TRAF3: variants seen among roughly 807,000 people sequenced by gnomAD.
TRAF3 encodes the protein TNF receptor associated factor 3.
Under a neutral mutation model 62.3 loss-of-function variants are expected in TRAF3, and 13 were observed. The ratio of observed to expected loss-of-function variants is 0.21; its 90% CI spans 0.14 to 0.33. The LOEUF is 0.33. TRAF3 is among the 10% of genes least tolerant of loss of function. TRAF3 has a pLI of 1.00. For missense variants in TRAF3, 440 were observed against 741.8 expected (o/e 0.59, Z 4.73); for synonymous variants, 269 against 283.4 (o/e 0.95, Z 0.51).
chr14:102,810,187 AC>A (rs1270062826), intron 1 of TRAF3, among the ~76,000 whole-genome samples: 2 of 152,144 alleles, frequency 1.3e-5, no homozygotes, highest in Non-Finnish European at 2.9e-5. Flanking sequence ...CCTCCCCCCT[AC>A]AACTGTAATG....
At chr14:102,795,578 T>G (rs1285091646) in intron 1 of TRAF3, among the ~76,000 whole-genome samples, 1 of 61,002 alleles carries the variant, frequency 1.6e-5, no homozygotes, top group African/African-American at 3.7e-5. Flanking sequence ...ATACATGATA[T>G]GTATGCATGA....
chr14:102,806,019 TG>T (rs1898752226), intron 1 of TRAF3, among the ~76,000 whole-genome samples: 1 of 10,110 alleles, frequency 9.9e-5, no homozygotes, highest in Non-Finnish European at 1.9e-4. Context: ...GTTGGTGGGG[TG>T]GGGGTGGGGT....
chr14:102,837,850 C>G (rs1018020016), intron 2 of TRAF3, among the ~76,000 whole-genome samples: 18 of 152,194 alleles, frequency 1.2e-4, no homozygotes, highest in African/African-American at 3.9e-4. Flanking sequence ...CCTGTTAGCT[C>G]TGACTTTGGG....
At position 102,875,695 on chromosome 14, in the gene TRAF3, T is replaced by A. The variant is rs768746950; in HGVS notation, c.369T>A (p.Gly123=). 2 of 1,613,932 alleles carry A rather than the reference T, an allele frequency of 1.2e-6. No individual in the cohort carries two copies. The highest frequency in any genetic ancestry group is 3.3e-5 in the Admixed American group (2 of 60,004). ...LQIYCRNESR[G]CAEQLMLGHL... is the part of the protein sequence containing the mutation. ...TCTATTGTCGGAATGAAAGCAGAGG[T>A]TGTGCAGAGCAGTTAATGCTGGGAC... Residue 123 remains glycine (G), a synonymous_variant, in exon 5 of 12, where the codon GGT becomes GGA. Transcript: ENST00000392745.
At chr14:102,810,318 C>T (rs541507416) in intron 1 of TRAF3, among the ~76,000 whole-genome samples, 1 of 152,230 alleles carries the variant, frequency 6.6e-6, no homozygotes, top group South Asian at 2.1e-4. Flanking sequence ...GCAGTCGGCT[C>T]TGGTGGGAAC....
At chr14:102,895,017 G>T (rs187316248) in intron 9 of TRAF3, 3 of 453,520 alleles carry the variant, frequency 6.6e-6, no homozygotes, top group African/African-American at 6.0e-5. Context: ...ACAATGTTTT[G>T]GAGACATTAC....
Position 102,897,245 on chromosome 14 carries a change from A to C in TRAF3, c.820-16A>C, listed in dbSNP as rs1351746556. 4 of 1,607,196 alleles carry C rather than the reference A, an allele frequency of 2.5e-6. No individual in the cohort carries two copies. The highest frequency in any genetic ancestry group is 3.4e-6 in the Non-Finnish European group (4 of 1,176,212). On this transcript the variant is annotated splice_polypyrimidine_tract_variant and intron_variant, in intron 9 of 11. Coordinates refer to ENST00000392745, the MANE Select transcript of TRAF3 (RefSeq NM_145725.3). ...AACCACTTTTGGTTACATTAATTAA[A>C]GAATTTCTTTTTTAGGTTTCCTTGT...
At chr14:102,795,687 T>C (rs2139432517) in intron 1 of TRAF3, among the ~76,000 whole-genome samples, 1 of 152,140 alleles carries the variant, frequency 6.6e-6, no homozygotes, top group African/African-American at 2.4e-5. Context: ...TTTGTTGTAA[T>C]GTTGGGTGTC....
chr14:102,905,038 G>T (rs1890516592), intron 11 of TRAF3, among the ~76,000 whole-genome samples, 175 bp from the exon 12 acceptor site: 1 of 152,132 alleles, frequency 6.6e-6, no homozygotes. Flanking sequence ...CTTGAACCTG[G>T]GAGGCAGAGG....
At chr14:102,808,299 G>A (rs1342938566) in intron 1 of TRAF3, among the ~76,000 whole-genome samples, 4 of 152,118 alleles carry the variant, frequency 2.6e-5, no homozygotes, top group African/African-American at 9.7e-5. Context: ...AATCACCTGA[G>A]GTCAGGAGTT....
At chr14:102,888,527 A>G (rs1456484169) in intron 7 of TRAF3, among the ~76,000 whole-genome samples, 1 of 152,208 alleles carries the variant, frequency 6.6e-6, no homozygotes, top group Non-Finnish European at 1.5e-5. Flanking sequence ...GAGAAGTTGT[A>G]GAACTTAGCT....
intron 1 of TRAF3, among the ~76,000 whole-genome samples, chr14:102,779,658 G>T (rs1261318718): frequency 6.6e-6 from 1 of 152,182 alleles, no homozygotes; most frequent in Non-Finnish European, 1.5e-5. Flanking sequence ...GTCAGGTTAG[G>T]TGAGAATGAT....
In TRAF3 at chr14:102,905,908, C is replaced by T. The variant is rs923845326; in HGVS notation, c.*124C>T. 15 of 897,812 alleles carry T rather than the reference C, an allele frequency of 1.7e-5. No individual in the cohort carries two copies. The East Asian group carries it at 2.4e-4, about 14-fold the overall frequency. The allele number at this position is 897,812 out of a possible 1,614,324, so 55.6% of individuals were successfully genotyped here. Reference sequence around the variant, plus strand: ...GTGAGACGGAGGAAGCGGCAGAAGGCGGACGCGTGCCGGCGGGAGGAGCCA... The same window carrying T: ...GTGAGACGGAGGAAGCGGCAGAAGGTGGACGCGTGCCGGCGGGAGGAGCCA... On this transcript the variant is annotated 3_prime_UTR_variant, in exon 12 of 12. Coordinates refer to ENST00000392745, the MANE Select transcript of TRAF3 (RefSeq NM_145725.3).
chr14:102,815,192 G>C (rs989758617), intron 1 of TRAF3, among the ~76,000 whole-genome samples: 2 of 152,146 alleles, frequency 1.3e-5, no homozygotes, highest in African/African-American at 4.8e-5. Flanking sequence ...TCCTGCTTCA[G>C]CCTCCTAAAG....
Position 102,905,859 on chromosome 14 carries a change from T to C in TRAF3, c.*75T>C, listed in dbSNP as rs974448711. On this transcript the variant is annotated 3_prime_UTR_variant, in exon 12 of 12. Transcript: ENST00000392745. ...TTGAACCGGTCTGTCTTCACTGAGG[T>C]CCTCGCGCTCAGAAAAGGACCTTGT... is the stretch of plus-strand genomic sequence containing the variant. 1.5e-6 allele frequency: 2 copies of C among 1,362,628 alleles called. No individual in the cohort carries two copies. The highest frequency in any genetic ancestry group is 2.4e-5 in the East Asian group (1 of 41,704). The allele number at this position is 1,362,628 out of a possible 1,614,324, so 84.4% of individuals were successfully genotyped here.
At chr14:102,825,161 G>A (rs1048961884) in intron 1 of TRAF3, among the ~76,000 whole-genome samples, 1 of 152,222 alleles carries the variant, frequency 6.6e-6, no homozygotes, top group Non-Finnish European at 1.5e-5. Context: ...GCCTTCGCCA[G>A]GAGGAGGTCA....
intron 1 of TRAF3, among the ~76,000 whole-genome samples, chr14:102,791,551 T>A (rs1369942704): frequency 6.6e-6 from 1 of 152,210 alleles, no homozygotes; most frequent in Non-Finnish European, 1.5e-5. Flanking sequence ...CCTACAACCT[T>A]GTTGAATTTA....
intron 1 of TRAF3, among the ~76,000 whole-genome samples, chr14:102,797,725 ATTTC>A (rs1409686832): frequency 6.7e-6 from 1 of 148,174 alleles, no homozygotes; most frequent in East Asian, 2.0e-4. Context: ...AGGCACTTGT[ATTTC>A]TTTTTCTTTC....
At chr14:102,853,837 TAAAA>T (rs35601098) in intron 2 of TRAF3, among the ~76,000 whole-genome samples, 1 of 133,316 alleles carries the variant, frequency 7.5e-6, no homozygotes, top group African/African-American at 2.8e-5. Flanking sequence ...AGACTCCGTC[TAAAA>T]AAAAAAAAAA....
Sources: gnomAD v4.1 joint callset for allele counts (sites outside exome capture counted in the v4.1 genomes callset) on GRCh38, gnomAD v4.1.1 for gene constraint, MANE v1.5 for transcripts, NCBI Gene and HGNC (gene_info 2026-07-23, HGNC 2026-07-21) for gene names.